Variants in ZFYVE16 observed in about 807,000 individuals in gnomAD.
ZFYVE16 encodes zinc finger FYVE-type containing 16.
In ZFYVE16, 89 loss-of-function variants were observed where a neutral mutation model predicts 138.1. That is an observed-to-expected ratio of 0.64 (90% CI 0.54 to 0.77). ZFYVE16 has a LOEUF of 0.77. Ranked by LOEUF, ZFYVE16 falls within the 30% of genes least tolerant of loss-of-function variation. The pLI, the probability that ZFYVE16 is intolerant of heterozygous loss-of-function variation, is 0.00. For synonymous variants in ZFYVE16, 596 were observed against 618.3 expected (o/e 0.96, Z 0.53); for missense variants, 1,793 against 1,786.7 (o/e 1.00, Z -0.06).
rs780716491 is a variant in ZFYVE16, at chr5:80,456,564, A to ATG, written c.3795+1_3795+2dup. On this transcript the variant is annotated frameshift_variant and splice_region_variant, in exon 13 of 19. Transcript: ENST00000505560. LOFTEE classifies it high-confidence loss of function. Reference sequence around the variant, plus strand: ...AAAATACCACGGAAAAAGTACAGTGATGTAAGTATAATTGTTTTATTCAAA... The same window carrying ATG: ...AAAATACCACGGAAAAAGTACAGTGATGTGTAAGTATAATTGTTTTATTCAAA... The ATG allele has an allele frequency of 1.9e-6, 3 of 1,602,554 alleles. No individual in the cohort carries two copies. Among genetic ancestry groups the ATG allele is most frequent in the Non-Finnish European group, 2.6e-6 (3 of 1,170,838 alleles).
intron 15 of ZFYVE16, among the ~76,000 whole-genome samples, chr5:80,461,085 T>C (rs1753057940): frequency 6.6e-6 from 1 of 152,210 alleles, no homozygotes; most frequent in Non-Finnish European, 1.5e-5. Context: ...ATCTGAAATC[T>C]GAAATGCTTC....
intron 1 of ZFYVE16, among the ~76,000 whole-genome samples, chr5:80,419,300 A>G (rs952506482): frequency 3.3e-5 from 5 of 150,428 alleles, no homozygotes; most frequent in African/African-American, 9.8e-5. Context: ...CCGGTCTTGA[A>G]CTCCTGGGCT....
intron 15 of ZFYVE16, among the ~76,000 whole-genome samples, chr5:80,466,022 T>C (rs552369386): frequency 1.3e-5 from 2 of 152,096 alleles, no homozygotes; most frequent in Non-Finnish European, 2.9e-5. Context: ...ACCTCCTGGG[T>C]TCAAGAGATT....
At chr5:80,453,278 T>A (rs1287788677) in intron 11 of ZFYVE16, among the ~76,000 whole-genome samples, 1 of 152,254 alleles carries the variant, frequency 6.6e-6, no homozygotes, top group East Asian at 1.9e-4. Context: ...TTGTACTGTG[T>A]GAAACAAAGA....
intron 15 of ZFYVE16, among the ~76,000 whole-genome samples, chr5:80,463,525 G>C (rs1753359056): frequency 6.6e-6 from 1 of 151,716 alleles, no homozygotes; most frequent in South Asian, 2.1e-4. Context: ...GGACTGTTGT[G>C]AAGGTCTCTG....
rs2112274659 is a variant in ZFYVE16 at position 80,427,492 on chromosome 5, A to G, written c.-93A>G. On this transcript the variant is annotated splice_region_variant and 5_prime_UTR_variant, in exon 2 of 19. Coordinates refer to ENST00000505560, the MANE Select transcript of ZFYVE16 (RefSeq NM_001284236.3). Reference sequence around the variant, plus strand: ...ATATTATCCCATTACTTATTGACAGATTCCTGTGAGGTTTCTCGGGCTTAT... The same window carrying G: ...ATATTATCCCATTACTTATTGACAGGTTCCTGTGAGGTTTCTCGGGCTTAT... The G allele has an allele frequency of 6.6e-6, 1 of 150,850 alleles. No individual in the cohort carries two copies. The highest frequency in any genetic ancestry group is 1.9e-4 in the East Asian group (1 of 5,150). The allele number at this position is 150,850 out of a possible 1,614,324, so 9.3% of individuals were successfully genotyped here. A position where few individuals can be genotyped will look rare whatever the true frequency, so the allele number is the denominator to read the frequency against.
rs1215934584 is a variant in ZFYVE16 at position 80,470,096 on chromosome 5, TGTGTA to T, written c.4025-2664_4025-2660del. On this transcript the variant is annotated intron_variant, in intron 15 of 18. Transcript: ENST00000505560. ...GTGTGTGTGTGTGTGTGTGTGTGTG[TGTGTA>T]TTTTTTTTTTTTTTTTTTGAGACAG... 4.2e-3 allele frequency among the ~76,000 whole-genome samples: 207 copies of T among 49,176 alleles called. 2 individuals carry two copies. Among genetic ancestry groups the T allele is most frequent in the East Asian group, 0.013 (13 of 1,002 alleles). 32.3% of individuals were successfully genotyped at this position (49,176 alleles called of 152,430 possible). A position where few individuals can be genotyped will look rare whatever the true frequency, so the allele number is the denominator to read the frequency against.
intron 2 of ZFYVE16, among the ~76,000 whole-genome samples, chr5:80,428,734 G>T (rs1748527803): frequency 6.6e-6 from 1 of 152,176 alleles, no homozygotes; most frequent in African/African-American, 2.4e-5. Context: ...TGGCTAACTA[G>T]AATAACCCAT....
chr5:80,452,700 T>G (rs1215346673), intron 11 of ZFYVE16, among the ~76,000 whole-genome samples: 1 of 152,196 alleles, frequency 6.6e-6, no homozygotes, highest in Non-Finnish European at 1.5e-5. Context: ...AATTAAAAGC[T>G]AACTATTTTT....
At chr5:80,436,694 A>G in intron 3 of ZFYVE16, 62 bp from the exon 4 acceptor site, 1 of 1,401,818 alleles carries the variant, frequency 7.1e-7, no homozygotes, top group Admixed American at 2.3e-5. Context: ...TGGGAAACAT[A>G]ATATGTTTAA....
At chr5:80,445,677 C>T (rs1012311678) in intron 7 of ZFYVE16, among the ~76,000 whole-genome samples, 1 of 151,838 alleles carries the variant, frequency 6.6e-6, no homozygotes, top group Non-Finnish European at 1.5e-5. Flanking sequence ...GCTTCCACTT[C>T]AGCCTCCCAA....
chr5:80,421,420 T>G (rs1747152328), intron 1 of ZFYVE16, among the ~76,000 whole-genome samples: 1 of 152,242 alleles, frequency 6.6e-6, no homozygotes, highest in Non-Finnish European at 1.5e-5. Context: ...AGGGTTTTTA[T>G]GGTTTTAGGT....
intron 1 of ZFYVE16, among the ~76,000 whole-genome samples, chr5:80,423,795 C>T (rs1747586886): frequency 6.6e-6 from 1 of 152,094 alleles, no homozygotes; most frequent in African/African-American, 2.4e-5. Flanking sequence ...ACCTCGTCCT[C>T]CCAAAATGCT....
chr5:80,427,080 C>T (rs1359492141), intron 1 of ZFYVE16, among the ~76,000 whole-genome samples: 2 of 150,258 alleles, frequency 1.3e-5, no homozygotes, highest in Admixed American at 1.3e-4. Context: ...AATGGGGTCT[C>T]GCTATATTGC....
chr5:80,441,843 C>G (rs1338778166), intron 5 of ZFYVE16: 1 of 985,184 alleles, frequency 1.0e-6, no homozygotes, highest in Non-Finnish European at 1.2e-6. Flanking sequence ...GCATTGATAG[C>G]AGATCAGTTT....
At position 80,433,947 on chromosome 5, in the gene ZFYVE16, A is replaced by G. The variant is rs772266871; in HGVS notation, c.-39-162A>G. 6.1e-4 allele frequency among the ~76,000 whole-genome samples: 93 copies of G among 152,344 alleles called. 2 individuals carry two copies. Among genetic ancestry groups the G allele is most frequent in the Middle Eastern group, 6.8e-3 (2 of 294 alleles). On this transcript the variant is annotated intron_variant, in intron 2 of 18. Transcript: ENST00000505560. ...GTTGGTTTTCATGTCATTTTTACAT[A>G]TACAGGGGCAGTTTCCCCAACTAAA...
intron 10 of ZFYVE16, 71 bp downstream of exon 10, chr5:80,450,657 G>T (rs1751890699): frequency 7.0e-7 from 1 of 1,432,464 alleles, no homozygotes. Context: ...TATGGTTTTG[G>T]CTGTGCTAGC....
chr5:80,473,755 G>C lies in ZFYVE16; in HGVS notation c.4189G>C (p.Val1397Leu). The C allele has an allele frequency of 6.3e-7, 1 of 1,597,740 alleles. No homozygotes were observed. Among genetic ancestry groups the C allele is most frequent in the Non-Finnish European group, 8.6e-7 (1 of 1,167,830 alleles). The part of the protein sequence containing the change: ...VDAEEKGNKG[V>L]ISSVDGISLQ... ...ATTGTATTATGTTTTATTTCATAGA[G>C]TTATCAGTTCAGTGGATGGAATATC... is the stretch of plus-strand genomic sequence containing the variant. Residue 1397 changes from valine (V) to leucine (L), a missense_variant and splice_region_variant, in exon 17 of 19, where the codon GTT becomes CTT. Around this residue, in one of 2 missense-constraint regions of ZFYVE16, gnomAD observed 498 missense variants for 582.4 expected, o/e 0.86. Transcript: ENST00000505560.
Position 80,474,774 on chromosome 5 carries a change from C to T in ZFYVE16, c.4405C>T (p.Leu1469=). Residue 1469 remains leucine, a synonymous_variant, in exon 18 of 19, where the codon CTA becomes TTA. Transcript: ENST00000505560. ...SAALCPHLKT[L]KSNGMNKIGL... ...TGCGCTGTGCCCTCACCTGAAAACT[C>T]TAAAAAGTAATGGGATGAATAAAAT... The T allele has an allele frequency of 6.2e-7, 1 of 1,613,690 alleles. No homozygotes were observed.
Sources: allele counts gnomAD v4.1 joint callset (sites outside exome capture counted in the v4.1 genomes callset), GRCh38; gene constraint gnomAD v4.1.1; regional missense constraint gnomAD v4.1.1; transcripts MANE v1.5; gene names NCBI Gene and HGNC (gene_info 2026-07-23, HGNC 2026-07-21).